MACROD2: variants seen among roughly 807,000 people sequenced by gnomAD.
MACROD2 encodes the protein ADP-ribose glycohydrolase MACROD2.
In MACROD2, 36 loss-of-function variants were observed where a neutral mutation model predicts 70.4. The ratio of observed to expected loss-of-function variants is 0.51; its 90% CI spans 0.39 to 0.68. MACROD2 has a LOEUF of 0.68. Ranked by LOEUF, MACROD2 falls within the 30% of genes least tolerant of loss-of-function variation. MACROD2 has a pLI of 0.00. For missense variants in MACROD2, 496 were observed against 538.4 expected, an observed-to-expected ratio of 0.92 and a Z score of 0.78; for synonymous variants, 172 against 178.8, an observed-to-expected ratio of 0.96 and a Z score of 0.30.
At chr20:15,863,183 G>A (rs1265067117) in intron 9 of MACROD2, among the ~76,000 whole-genome samples, 1 of 152,040 alleles carries the variant, frequency 6.6e-6, no homozygotes, top group Non-Finnish European at 1.5e-5. Context: ...CCCCATGCCT[G>A]CATCTACCAT....
chr20:15,201,818 T>A (rs1344156863), intron 5 of MACROD2, among the ~76,000 whole-genome samples: 1 of 152,184 alleles, frequency 6.6e-6, no homozygotes. Context: ...CCTTTTATTC[T>A]GAGATACAGG....
At chr20:14,651,695 A>G (rs1187954097) in intron 4 of MACROD2, among the ~76,000 whole-genome samples, 2 of 152,174 alleles carry the variant, frequency 1.3e-5, no homozygotes, top group Non-Finnish European at 2.9e-5. Flanking sequence ...TATAGGCCCA[A>G]TTCCTGGAGG....
At chr20:14,469,875 G>A (rs899223837) in intron 3 of MACROD2, among the ~76,000 whole-genome samples, 5 of 151,810 alleles carry the variant, frequency 3.3e-5, no homozygotes, top group Admixed American at 3.3e-4. Flanking sequence ...GTTAGAGCAC[G>A]CTTCTTTAGC....
At chr20:16,048,530 T>A (rs1447074815) in intron 17 of MACROD2, among the ~76,000 whole-genome samples, 1 of 152,130 alleles carries the variant, frequency 6.6e-6, no homozygotes, top group Non-Finnish European at 1.5e-5. Context: ...ATTTGATTGA[T>A]ACCCACCAAG....
intron 4 of MACROD2, among the ~76,000 whole-genome samples, chr20:14,622,618 G>A (rs1178499739): frequency 2.0e-5 from 3 of 152,072 alleles, no homozygotes; most frequent in South Asian, 2.1e-4. Flanking sequence ...ATCTGAGGAC[G>A]AAAGTACTTA....
chr20:14,361,090 C>A (rs146120101), intron 3 of MACROD2, among the ~76,000 whole-genome samples: 11 of 152,228 alleles, frequency 7.2e-5, no homozygotes, highest in African/African-American at 2.4e-4. Flanking sequence ...TAATCCCTTT[C>A]ATTTATACTA....
intron 4 of MACROD2, among the ~76,000 whole-genome samples, chr20:14,504,315 A>G (rs1028597282): frequency 6.6e-6 from 1 of 152,204 alleles, no homozygotes; most frequent in Non-Finnish European, 1.5e-5. Context: ...TTCTGAGTAG[A>G]TAGATATTAT....
At position 14,454,857 on chromosome 20, in the gene MACROD2, A is replaced by G. The variant is rs532647315; in HGVS notation, c.272-38622A>G. 1.5e-4 allele frequency among the ~76,000 whole-genome samples: 22 copies of G among 143,898 alleles called. 1 individual carries two copies. Among genetic ancestry groups the G allele is most frequent in the African/African-American group, 5.0e-4 (19 of 38,288 alleles). The allele number at this position is 143,898 out of a possible 152,430, so 94.4% of individuals were successfully genotyped here. On this transcript the variant is annotated intron_variant, in intron 3 of 17. Transcript: ENST00000684519. ...AAGCTCCGCCTCCCGGGCTCACGCC[A>G]TTCTCCTGCCTCAGCCTCCCTAGTA...
Position 15,836,304 on chromosome 20 carries a change from G to C in MACROD2, c.646-26441G>C, listed in dbSNP as rs549594899. Among the ~76,000 whole-genome samples the C allele has an allele frequency of 6.6e-5, 10 of 152,188 alleles. No individual in the cohort carries two copies. In the South Asian group the frequency reaches 2.1e-3, roughly 32 times the overall value. ...GAATGAAAGTTGGAAAGTATTTGTG[G>C]CAACAAACCCCTTATGACTGACACA... On this transcript the variant is annotated intron_variant, in intron 8 of 17. Transcript: ENST00000684519.
At chr20:15,284,876 G>A (rs2077477210) in intron 6 of MACROD2, among the ~76,000 whole-genome samples, 1 of 151,902 alleles carries the variant, frequency 6.6e-6, no homozygotes, top group Admixed American at 6.6e-5. Flanking sequence ...AAACATATAT[G>A]GCACAAAAAC....
intron 8 of MACROD2, among the ~76,000 whole-genome samples, chr20:15,636,303 G>A (rs1212371737): frequency 6.6e-6 from 1 of 152,114 alleles, no homozygotes; most frequent in Non-Finnish European, 1.5e-5. Context: ...AGAAGAACCA[G>A]ATAGAATATG....
chr20:14,549,226 G>A (rs1333073384), intron 4 of MACROD2, among the ~76,000 whole-genome samples: 1 of 152,092 alleles, frequency 6.6e-6, no homozygotes, highest in East Asian at 1.9e-4. Flanking sequence ...TTTATAGGCT[G>A]GGCTAGAATC....
At chr20:14,244,586 A>G (rs2122245080) in intron 3 of MACROD2, among the ~76,000 whole-genome samples, 1 of 152,306 alleles carries the variant, frequency 6.6e-6, no homozygotes, top group Non-Finnish European at 1.5e-5. Context: ...AAAGGCCCTA[A>G]CCCAAGAACT....
At chr20:14,784,672 G>GC (rs1480682700) in intron 5 of MACROD2, among the ~76,000 whole-genome samples, 2 of 119,632 alleles carry the variant, frequency 1.7e-5, no homozygotes, top group African/African-American at 3.6e-5. Flanking sequence ...TTTAAGTGGG[G>GC]GGGGGGGGGC....
At chr20:15,287,756 A>G (rs1267060945) in intron 6 of MACROD2, among the ~76,000 whole-genome samples, 1 of 152,242 alleles carries the variant, frequency 6.6e-6, no homozygotes, top group South Asian at 2.1e-4. Context: ...GTTTTGAACA[A>G]TTAGAGTATG....
chr20:15,243,609 TA>T (rs2077079082), intron 6 of MACROD2, among the ~76,000 whole-genome samples: 1 of 138,314 alleles, frequency 7.2e-6, no homozygotes, highest in African/African-American at 2.8e-5. Context: ...AACTGATTGT[TA>T]AAATGTCAAG....
chr20:14,040,555 C>T (rs925028839), intron 2 of MACROD2, among the ~76,000 whole-genome samples: 5 of 152,146 alleles, frequency 3.3e-5, no homozygotes, highest in Admixed American at 2.0e-4. Flanking sequence ...TTATCCCTCA[C>T]CCCCATCCCA....
chr20:15,150,807 G>A (rs1426183293), intron 5 of MACROD2, among the ~76,000 whole-genome samples: 1 of 151,972 alleles, frequency 6.6e-6, no homozygotes, highest in African/African-American at 2.4e-5. Flanking sequence ...GCCTAATAAG[G>A]GAACTGAGCA....
At chr20:14,151,809 A>C (rs1455907621) in intron 3 of MACROD2, among the ~76,000 whole-genome samples, 1 of 103,990 alleles carries the variant, frequency 9.6e-6, no homozygotes, top group African/African-American at 3.6e-5. Flanking sequence ...GTTGTATTGT[A>C]TCTTTTTTTT....
Sources: gnomAD v4.1 joint callset for allele counts (sites outside exome capture counted in the v4.1 genomes callset) on GRCh38, gnomAD v4.1.1 for gene constraint, MANE v1.5 for transcripts, NCBI Gene and HGNC (gene_info 2026-07-23, HGNC 2026-07-21) for gene names.